PLEKHA6: variants seen among roughly 807,000 people sequenced by gnomAD.
PLEKHA6 encodes pleckstrin homology domain containing A6, also known as pleckstrin homology domain-containing family A member 6.
In PLEKHA6, 60 loss-of-function variants were observed where a neutral mutation model predicts 116.7. That is an observed-to-expected ratio of 0.51 (90% CI 0.42 to 0.64). The LOEUF is 0.64. Ranked by LOEUF, PLEKHA6 falls within the 30% of genes least tolerant of loss-of-function variation. PLEKHA6 has a pLI of 0.00. For missense variants in PLEKHA6, 1,338 were observed against 1,422.7 expected, an observed-to-expected ratio of 0.94 and a Z score of 0.96; for synonymous variants, 489 against 556.1, an observed-to-expected ratio of 0.88 and a Z score of 1.70.
chr1:204,314,589 C>T (rs114633494), intron 1 of PLEKHA6, among the ~76,000 whole-genome samples: 6 of 152,290 alleles, frequency 3.9e-5, no homozygotes, highest in Middle Eastern at 3.4e-3. Flanking sequence ...TAGCTCCTGG[C>T]GGACCTCACT....
chr1:204,229,850 T>C (rs1660914428), intron 18 of PLEKHA6, among the ~76,000 whole-genome samples: 1 of 152,242 alleles, frequency 6.6e-6, no homozygotes, highest in South Asian at 2.1e-4. Flanking sequence ...AAGTGATGTC[T>C]TGGGCTACAT....
intron 1 of PLEKHA6, among the ~76,000 whole-genome samples, chr1:204,332,140 C>G (rs1173223272): frequency 1.3e-5 from 2 of 152,154 alleles, no homozygotes; most frequent in African/African-American, 4.8e-5. Flanking sequence ...TGCCCTAGCT[C>G]ACCCTTTGCC....
chr1:204,280,031 G>A (rs1449949446), intron 1 of PLEKHA6, among the ~76,000 whole-genome samples: 3 of 152,190 alleles, frequency 2.0e-5, no homozygotes, highest in Non-Finnish European at 4.4e-5. Context: ...CCAGGCTTAA[G>A]AAGATCGTGT....
At chr1:204,293,328 T>G (rs1669962307) in intron 1 of PLEKHA6, among the ~76,000 whole-genome samples, 1 of 152,166 alleles carries the variant, frequency 6.6e-6, no homozygotes, top group Admixed American at 6.5e-5. Context: ...AGAGATACGG[T>G]TTCACCATGC....
chr1:204,296,974 T>C, intron 1 of PLEKHA6: 1 of 284,754 alleles, frequency 3.5e-6, no homozygotes, highest in Non-Finnish European at 5.3e-6. Flanking sequence ...CAATTTGACC[T>C]GAAGAAAGGA....
chr1:204,245,865 C>T, intron 13 of PLEKHA6, 139 bp from the exon 14 acceptor site: 1 of 603,948 alleles, frequency 1.7e-6, no homozygotes, highest in South Asian at 2.0e-5. Flanking sequence ...CACACACACA[C>T]ACACACACAC....
intron 1 of PLEKHA6, among the ~76,000 whole-genome samples, chr1:204,355,129 G>T (rs1389687846): frequency 6.6e-6 from 1 of 152,250 alleles, no homozygotes; most frequent in Non-Finnish European, 1.5e-5. Flanking sequence ...TCTTGAACAA[G>T]GAGACTTGGG....
At chr1:204,320,509 G>A in intron 1 of PLEKHA6, 1 of 982,304 alleles carries the variant, frequency 1.0e-6, no homozygotes. Flanking sequence ...CATGACTCAG[G>A]GAAACAACTA....
At chr1:204,337,715 T>C (rs1017116883) in intron 1 of PLEKHA6, among the ~76,000 whole-genome samples, 3 of 146,052 alleles carry the variant, frequency 2.1e-5, no homozygotes, top group African/African-American at 8.4e-5. Context: ...GGTCTCTCAC[T>C]TGGGGGGGGA....
At chr1:204,256,977 G>A (rs569739079) in intron 9 of PLEKHA6, 2 of 582,842 alleles carry the variant, frequency 3.4e-6, no homozygotes, top group African/African-American at 3.8e-5. Context: ...AGGTATTTGT[G>A]TTCAGTTCCC....
intron 1 of PLEKHA6, among the ~76,000 whole-genome samples, chr1:204,346,544 C>T (rs913562065): frequency 6.6e-6 from 1 of 152,080 alleles, no homozygotes; most frequent in South Asian, 2.1e-4. Context: ...TAATACACAC[C>T]CACACTCACA....
intron 1 of PLEKHA6, among the ~76,000 whole-genome samples, chr1:204,296,818 A>T (rs1004015267): frequency 6.6e-6 from 1 of 152,172 alleles, no homozygotes; most frequent in Non-Finnish European, 1.5e-5. Flanking sequence ...CAGAGCAGAG[A>T]GTGGGGCCTG....
In PLEKHA6 at chr1:204,230,519, T is replaced by C. The variant is rs943291603; in HGVS notation, c.2477A>G (p.Asp826Gly). The change falls in exon 18 of 23, where the codon GAC becomes GGC. Residue 826 changes from aspartate to glycine, a missense_variant. Physicochemically the swap from Asp to Gly is moderately conservative, Grantham distance 94 (BLOSUM62 -1). This residue lies in a region of PLEKHA6 where 1,136 missense variants were observed against 1,163.6 expected (regional missense o/e 0.98). Transcript: ENST00000272203. ...KVKMSVEEQIDRMRRHQSGSM... is the reference protein window; with the variant it reads ...KVKMSVEEQIGRMRRHQSGSM... ...GCCACTCTGGTGCCGCCGCATTCGG[T>C]CAATCTGCTCCTCCACGCTCATCTT... The C allele has an allele frequency of 6.3e-7, 1 of 1,595,848 alleles. No homozygotes were observed. Among genetic ancestry groups the C allele is most frequent in the Non-Finnish European group, 8.5e-7 (1 of 1,171,450 alleles).
chr1:204,256,979 T>G, intron 9 of PLEKHA6: 2 of 581,938 alleles, frequency 3.4e-6, no homozygotes, highest in Non-Finnish European at 3.1e-6. Context: ...GTATTTGTGT[T>G]CAGTTCCCAG....
intron 1 of PLEKHA6, among the ~76,000 whole-genome samples, chr1:204,329,426 A>T (rs1395815456): frequency 6.6e-6 from 1 of 152,172 alleles, no homozygotes; most frequent in African/African-American, 2.4e-5. Context: ...AAAGCAAAAG[A>T]TCGCTTACTG....
chr1:204,304,876 G>T (rs1671140514), intron 1 of PLEKHA6, among the ~76,000 whole-genome samples: 3 of 152,108 alleles, frequency 2.0e-5, no homozygotes, highest in Admixed American at 6.5e-5. Context: ...TATATTAAAG[G>T]CACTCTGTCA....
chr1:204,268,100 A>C lies in PLEKHA6; in HGVS notation c.207+108T>G, dbSNP rs965722958. 3 of 621,870 alleles carry C rather than the reference A, an allele frequency of 4.8e-6. No individual in the cohort carries two copies. The African/African-American group carries it at 5.6e-5, about 12-fold the overall frequency. 38.5% of individuals were successfully genotyped at this position (621,870 alleles called of 1,614,324 possible). ...TAGGAGACTCATTCACAGAGACAGC[A>C]GGGGGACATACCAAAAAAATACACA... On this transcript the variant is annotated intron_variant, in intron 4 of 22. Coordinates refer to ENST00000272203, the MANE Select transcript of PLEKHA6 (RefSeq NM_014935.5).
At chr1:204,293,989 G>T (rs1670022823) in intron 1 of PLEKHA6, among the ~76,000 whole-genome samples, 1 of 152,200 alleles carries the variant, frequency 6.6e-6, no homozygotes. Flanking sequence ...TTAGATAATA[G>T]AATTGTATCG....
intron 1 of PLEKHA6, chr1:204,301,172 G>GAAGTAT (rs1670776112): frequency 1.2e-6 from 1 of 856,584 alleles, no homozygotes; most frequent in Non-Finnish European, 1.4e-6. Context: ...TTCAGATAAT[G>GAAGTAT]AAGTATAGAG....
Sources: gnomAD v4.1 joint callset for allele counts (sites outside exome capture counted in the v4.1 genomes callset) on GRCh38, gnomAD v4.1.1 for gene constraint, gnomAD v4.1.1 regional missense constraint, MANE v1.5 for transcripts, NCBI Gene and HGNC (gene_info 2026-07-23, HGNC 2026-07-21) for gene names.